The following EPHA3 variants were observed in gnomAD, a reference collection of about 807,000 sequenced individuals.
EPHA3 encodes ephrin type-A receptor 3.
Under a neutral mutation model 107.1 loss-of-function variants are expected in EPHA3, and 42 were observed. The observed-to-expected ratio is 0.39, with a 90% CI of 0.31 to 0.51. The LOEUF (loss-of-function observed/expected upper bound fraction) is 0.51. Ranked by LOEUF, EPHA3 falls within the 20% of genes least tolerant of loss-of-function variation. EPHA3 has a pLI of 0.78. For missense variants in EPHA3, 1,183 were observed against 1,211.2 expected, an observed-to-expected ratio of 0.98 and a Z score of 0.35; for synonymous variants, 461 against 424.8, an observed-to-expected ratio of 1.09 and a Z score of -1.05.
intron 2 of EPHA3, among the ~76,000 whole-genome samples, chr3:89,183,061 G>A (rs1705481752): frequency 6.6e-6 from 1 of 151,932 alleles, no homozygotes; most frequent in Non-Finnish European, 1.5e-5. Flanking sequence ...AGGACTCGGA[G>A]AGGTAATCCT....
chr3:89,279,188 T>G (rs749849732), intron 3 of EPHA3, among the ~76,000 whole-genome samples: 25 of 151,916 alleles, frequency 1.6e-4, no homozygotes, highest in South Asian at 1.0e-3. Flanking sequence ...TTCCTTAGAG[T>G]TTTTTTTAAT....
chr3:89,338,437 G>A (rs991381973), intron 3 of EPHA3, among the ~76,000 whole-genome samples: 4 of 152,192 alleles, frequency 2.6e-5, no homozygotes, highest in Admixed American at 6.5e-5. Flanking sequence ...TTAAATGCCC[G>A]CTGCCCATTT....
intron 7 of EPHA3, chr3:89,399,840 C>T: frequency 2.8e-6 from 3 of 1,087,998 alleles, no homozygotes; most frequent in Non-Finnish European, 3.4e-6. Context: ...CAATGAACCA[C>T]AAAAAAGAAA....
chr3:89,354,267 A>G (rs1232339351), intron 5 of EPHA3, among the ~76,000 whole-genome samples: 1 of 151,296 alleles, frequency 6.6e-6, no homozygotes, highest in Non-Finnish European at 1.5e-5. Flanking sequence ...TAATTGAGAA[A>G]TTTAATAAAT....
intron 3 of EPHA3, among the ~76,000 whole-genome samples, chr3:89,212,804 G>A (rs1704134180): frequency 2.6e-5 from 4 of 151,966 alleles, no homozygotes; most frequent in Admixed American, 2.6e-4. Flanking sequence ...TGTCACTGAA[G>A]AATTTGTTGC....
chr3:89,108,305 T>A (rs1015932283), intron 1 of EPHA3, among the ~76,000 whole-genome samples: 1 of 152,026 alleles, frequency 6.6e-6, no homozygotes, highest in Non-Finnish European at 1.5e-5. Flanking sequence ...ATGAATGGAC[T>A]AAAGGGAAAT....
intron 7 of EPHA3, among the ~76,000 whole-genome samples, chr3:89,405,189 C>A (rs1343542919): frequency 6.6e-6 from 1 of 152,068 alleles, no homozygotes; most frequent in Non-Finnish European, 1.5e-5. Context: ...GGAGGGGAAG[C>A]CCCAGACAGC....
At chr3:89,393,981 TGAA>T (rs1708798046) in intron 5 of EPHA3, among the ~76,000 whole-genome samples, 3 of 151,978 alleles carry the variant, frequency 2.0e-5, no homozygotes, top group African/African-American at 7.2e-5. Flanking sequence ...ATTGAATAGA[TGAA>T]GAATTGATAA....
At chr3:89,401,329 A>C (rs935833332) in intron 7 of EPHA3, among the ~76,000 whole-genome samples, 15 of 152,350 alleles carry the variant, frequency 9.8e-5, no homozygotes, top group Admixed American at 9.8e-4. Context: ...GAGAGCTGCC[A>C]TCCTCAAATA....
intron 3 of EPHA3, among the ~76,000 whole-genome samples, chr3:89,286,792 C>G (rs530601314): frequency 5.3e-5 from 8 of 152,194 alleles, no homozygotes; most frequent in African/African-American, 1.9e-4. Flanking sequence ...ATAAACAAAA[C>G]AGAAATAATG....
chr3:89,382,215 A>G (rs1708523216), intron 5 of EPHA3, among the ~76,000 whole-genome samples: 1 of 152,138 alleles, frequency 6.6e-6, no homozygotes, highest in South Asian at 2.1e-4. Context: ...CCACTAAAAA[A>G]TAGAGACTAT....
chr3:89,366,893 T>A (rs1016172995), intron 5 of EPHA3, among the ~76,000 whole-genome samples: 9 of 150,780 alleles, frequency 6.0e-5, no homozygotes, highest in African/African-American at 2.2e-4. Context: ...TGGATATTTT[T>A]AAAAATTCTA....
At chr3:89,365,675 A>G (rs754502976) in intron 5 of EPHA3, among the ~76,000 whole-genome samples, 3 of 150,666 alleles carry the variant, frequency 2.0e-5, no homozygotes, top group African/African-American at 4.8e-5. Flanking sequence ...ATTCACACAC[A>G]TTGACTTCCT....
chr3:89,117,589 G>A (rs1707286211), intron 1 of EPHA3, among the ~76,000 whole-genome samples: 1 of 152,034 alleles, frequency 6.6e-6, no homozygotes, highest in South Asian at 2.1e-4. Context: ...AAGTCTATTT[G>A]CAGCACTGTG....
At chr3:89,354,022 C>CT (rs1707891064) in intron 5 of EPHA3, among the ~76,000 whole-genome samples, 1 of 151,182 alleles carries the variant, frequency 6.6e-6, no homozygotes, top group African/African-American at 2.4e-5. Flanking sequence ...TTAACTAAAG[C>CT]ACATGGAAAT....
chr3:89,272,459 G>A (rs1273713679), intron 3 of EPHA3, among the ~76,000 whole-genome samples: 1 of 151,864 alleles, frequency 6.6e-6, no homozygotes, highest in East Asian at 1.9e-4. Context: ...TAAAAATGAT[G>A]CAGTGTATTT....
At chr3:89,372,037 G>T (rs1467158041) in intron 5 of EPHA3, among the ~76,000 whole-genome samples, 3 of 151,122 alleles carry the variant, frequency 2.0e-5, no homozygotes, top group Non-Finnish European at 4.4e-5. Context: ...TTAGCAGAGA[G>T]AGGGAGGAAA....
At chr3:89,116,667 G>A (rs1167011934) in intron 1 of EPHA3, among the ~76,000 whole-genome samples, 1 of 149,102 alleles carries the variant, frequency 6.7e-6, no homozygotes, top group African/African-American at 2.5e-5. Flanking sequence ...ATGACATCAG[G>A]CTTCCAAAGC....
chr3:89,204,401 A>G (rs1480316891), intron 2 of EPHA3, among the ~76,000 whole-genome samples: 2 of 151,950 alleles, frequency 1.3e-5, no homozygotes, highest in African/African-American at 4.8e-5. Context: ...TGTTAATCAT[A>G]GGGATTTTCC....
Sources: allele counts gnomAD v4.1 joint callset (sites outside exome capture counted in the v4.1 genomes callset), GRCh38; gene constraint gnomAD v4.1.1; transcripts MANE v1.5; gene names NCBI Gene and HGNC (gene_info 2026-07-23, HGNC 2026-07-21).